Variants in CASP6 observed in about 807,000 individuals in gnomAD.
CASP6 encodes the protein caspase 6, also known as caspase-6.
Under a neutral mutation model 31.8 loss-of-function variants are expected in CASP6, and 20 were observed. The ratio of observed to expected loss-of-function variants is 0.63; its 90% CI spans 0.44 to 0.91. CASP6 has a LOEUF of 0.91. Ranked by LOEUF, CASP6 falls within the 40% of genes least tolerant of loss-of-function variation. The pLI is 0.00. For missense variants in CASP6, 328 were observed against 361.1 expected (o/e 0.91, Z 0.74); for synonymous variants, 130 against 127.8 (o/e 1.02, Z -0.12).
At chr4:109,687,755 G>T, downstream of CASP6, 2 of 587,786 alleles carry the variant, frequency 3.4e-6, no homozygotes, top group Non-Finnish European at 6.0e-6. Context: ...TTTACTTTTT[G>T]GATTTTTATG....
At chr4:109,703,010 G>A (rs968353465) in intron 1 of CASP6, among the ~76,000 whole-genome samples, 7 of 152,234 alleles carry the variant, frequency 4.6e-5, no homozygotes, top group African/African-American at 1.7e-4. Context: ...CCAGGCCCGC[G>A]TGGGGACAGC....
chr4:109,706,047 CATAT>C (rs1460220636), upstream of CASP6, among the ~76,000 whole-genome samples: 2 of 73,882 alleles, frequency 2.7e-5, no homozygotes, highest in African/African-American at 9.4e-5. Flanking sequence ...ATATAAAATA[CATAT>C]ATAAATATTT....
chr4:109,694,676 G>A lies in CASP6; in HGVS notation c.332C>T (p.Ala111Val). 6.3e-7 allele frequency: 1 copy of A among 1,599,224 alleles called. No individual in the cohort carries two copies. The highest frequency in any genetic ancestry group is 8.5e-7 in the Non-Finnish European group (1 of 1,173,820). Residue 111 changes from alanine to valine, a missense_variant, in exon 5 of 7, where the codon GCC becomes GTC. Physicochemically the swap from Ala to Val is moderately conservative, Grantham distance 64 (BLOSUM62 0). Transcript: ENST00000265164. ...HEVSTVSHADADCFVCVFLSH... is the reference protein window; with the variant it reads ...HEVSTVSHADVDCFVCVFLSH... ...CAGGAAGACACACACAAAGCAATCGGCATCTGCGTGGCTAACAGTTGACAC... is the reference window on the plus strand; with the variant it reads ...CAGGAAGACACACACAAAGCAATCGACATCTGCGTGGCTAACAGTTGACAC...
At chr4:109,689,678 T>A in intron 6 of CASP6, 110 bp from the exon 7 acceptor site, 2 of 960,702 alleles carry the variant, frequency 2.1e-6, no homozygotes, top group Non-Finnish European at 3.2e-6. Context: ...AGAAGAGTCT[T>A]AAGATGTGTC....
At chr4:109,696,781 GTTTTTTTTTT>G (rs757024540) in intron 3 of CASP6, among the ~76,000 whole-genome samples, 4 of 126,756 alleles carry the variant, frequency 3.2e-5, no homozygotes, top group Non-Finnish European at 4.9e-5. Flanking sequence ...ACTCAGGCAA[GTTTTTTTTTT>G]TTTTTTTTTT....
chr4:109,668,206 A>G, the CASP6 span, among the ~76,000 whole-genome samples: 1 of 151,990 alleles, frequency 6.6e-6, no homozygotes, highest in Non-Finnish European at 1.5e-5. Context: ...TGCTTGGCAG[A>G]TCTGTCCATT....
the CASP6 span, among the ~76,000 whole-genome samples, chr4:109,675,029 G>A: frequency 6.6e-6 from 1 of 152,084 alleles, no homozygotes. Flanking sequence ...TGTCTCATCT[G>A]AATTTAATTC....
the CASP6 span, among the ~76,000 whole-genome samples, chr4:109,678,114 CAGAG>C: frequency 1.3e-5 from 2 of 152,070 alleles, no homozygotes; most frequent in Non-Finnish European, 2.9e-5. Context: ...GCACATGTTT[CAGAG>C]AGCACGGGGT....
the CASP6 span, among the ~76,000 whole-genome samples, chr4:109,673,546 G>T: frequency 6.6e-6 from 1 of 152,162 alleles, no homozygotes; most frequent in Non-Finnish European, 1.5e-5. Flanking sequence ...AGTAAACAGG[G>T]ACACAGCAGG....
At chr4:109,684,462 C>G, downstream of CASP6, 1 of 1,611,604 alleles carries the variant, frequency 6.2e-7, no homozygotes, top group Non-Finnish European at 8.5e-7. Context: ...GGAATAGAAG[C>G]TCATTCGGAA....
intron 2 of CASP6, among the ~76,000 whole-genome samples, 168 bp downstream of exon 2, chr4:109,698,132 C>G (rs1443496341): frequency 1.3e-5 from 2 of 152,174 alleles, no homozygotes; most frequent in Admixed American, 6.6e-5. Flanking sequence ...CCCTCGACAA[C>G]CAGGGGCAGC....
At chr4:109,695,727 C>G (rs1454633174) in intron 4 of CASP6, among the ~76,000 whole-genome samples, 1 of 134,760 alleles carries the variant, frequency 7.4e-6, no homozygotes, top group African/African-American at 2.9e-5. Flanking sequence ...GGGCGGACAG[C>G]GAGACTCCAT....
At chr4:109,670,366 A>G in the CASP6 span, among the ~76,000 whole-genome samples, 1 of 151,922 alleles carries the variant, frequency 6.6e-6, no homozygotes, top group African/African-American at 2.4e-5. Flanking sequence ...CTCTAATGAA[A>G]TCCCAATCGG....
upstream of CASP6, among the ~76,000 whole-genome samples, chr4:109,704,699 G>C (rs369447172): frequency 2.0e-5 from 3 of 152,212 alleles, no homozygotes; most frequent in East Asian, 5.8e-4. Flanking sequence ...ATTGATAAAG[G>C]CAGCTACACT....
chr4:109,691,472 TGAG>T (rs1393685708), intron 5 of CASP6, among the ~76,000 whole-genome samples: 2 of 152,220 alleles, frequency 1.3e-5, no homozygotes, highest in African/African-American at 4.8e-5. Context: ...CAGCCTGACC[TGAG>T]GAGATACCTA....
At chr4:109,708,427 G>T (rs1455091665), upstream of CASP6, among the ~76,000 whole-genome samples, 1 of 152,184 alleles carries the variant, frequency 6.6e-6, no homozygotes, top group Admixed American at 6.5e-5. Flanking sequence ...AAACAGCAGT[G>T]GCATTTTTTG....
chr4:109,684,566 G>T, downstream of CASP6: 1 of 1,606,332 alleles, frequency 6.2e-7, no homozygotes. Flanking sequence ...GTACTCCTGG[G>T]ATATCATGGA....
the CASP6 span, among the ~76,000 whole-genome samples, chr4:109,667,846 G>T: frequency 6.6e-6 from 1 of 150,816 alleles, no homozygotes; most frequent in Non-Finnish European, 1.5e-5. Flanking sequence ...TTGATAAGTT[G>T]TATTTTCATT....
intron 4 of CASP6, 102 bp downstream of exon 4, chr4:109,696,308 T>A: frequency 1.2e-6 from 1 of 814,492 alleles, no homozygotes. Flanking sequence ...ATTAATACTT[T>A]TTTTGTCACA....
Sources: gnomAD v4.1 joint callset for allele counts (sites outside exome capture counted in the v4.1 genomes callset) on GRCh38, gnomAD v4.1.1 for gene constraint, MANE v1.5 for transcripts, NCBI Gene and HGNC (gene_info 2026-07-23, HGNC 2026-07-21) for gene names.